LRRFIP1: variants seen among roughly 807,000 people sequenced by gnomAD.
The protein encoded by LRRFIP1 is leucine-rich repeat flightless-interacting protein 1.
Under a neutral mutation model 104.4 loss-of-function variants are expected in LRRFIP1, and 62 were observed. The ratio of observed to expected loss-of-function variants is 0.59; its 90% CI spans 0.48 to 0.73. The LOEUF is 0.73. Among genes scored for constraint, LRRFIP1 ranks in the 30% least tolerant of loss-of-function variants. The pLI is 0.00. For missense variants in LRRFIP1, 796 were observed against 824.5 expected, an observed-to-expected ratio of 0.97 and a Z score of 0.42; for synonymous variants, 300 against 299.0, an observed-to-expected ratio of 1.00 and a Z score of -0.03.
intron 13 of LRRFIP1, among the ~76,000 whole-genome samples, chr2:237,750,307 T>C (rs1339010136): frequency 7.1e-6 from 1 of 141,434 alleles, no homozygotes; most frequent in Non-Finnish European, 1.5e-5. Flanking sequence ...TTTTCCTTTT[T>C]CTTTTCTTTT....
chr2:237,686,863 T>C (rs55746924), intron 1 of LRRFIP1, among the ~76,000 whole-genome samples: 6 of 152,366 alleles, frequency 3.9e-5, no homozygotes, highest in Non-Finnish European at 7.3e-5. Context: ...CTGGATCCCC[T>C]GCTTGATGCT....
At chr2:237,630,671 A>G (rs771463632) in intron 1 of LRRFIP1, among the ~76,000 whole-genome samples, 3 of 152,220 alleles carry the variant, frequency 2.0e-5, no homozygotes, top group Non-Finnish European at 2.9e-5. Context: ...CCCTGACTGG[A>G]CTGACATTGA....
chr2:237,674,387 A>G (rs555607327), intron 1 of LRRFIP1, among the ~76,000 whole-genome samples: 1 of 152,314 alleles, frequency 6.6e-6, no homozygotes, highest in East Asian at 1.9e-4. Context: ...AAATAGGCAA[A>G]ATGTGATACA....
At chr2:237,757,361 C>T in intron 16 of LRRFIP1, 95 bp from the exon 17 acceptor site, 2 of 744,784 alleles carry the variant, frequency 2.7e-6, no homozygotes, top group Non-Finnish European at 4.6e-6. Flanking sequence ...TGCTTGCGGC[C>T]TCACTCACTG....
chr2:237,679,899 C>T (rs187499258), intron 1 of LRRFIP1, among the ~76,000 whole-genome samples: 7 of 152,308 alleles, frequency 4.6e-5, no homozygotes, highest in African/African-American at 1.7e-4. Flanking sequence ...TGAGCCACCG[C>T]GCCCAGCCTG....
intron 1 of LRRFIP1, among the ~76,000 whole-genome samples, chr2:237,681,161 C>T (rs1575425894): frequency 6.6e-6 from 1 of 152,204 alleles, no homozygotes; most frequent in African/African-American, 2.4e-5. Flanking sequence ...TGTTCAAATA[C>T]TTTCAGTGGG....
Position 237,636,570 on chromosome 2 carries a change from A to C in LRRFIP1, c.96+8830A>C, listed in dbSNP as rs182847373. On this transcript the variant is annotated intron_variant, in intron 1 of 23. Transcript: ENST00000308482. ...TTCACTTAATTTGGGGGTTTTCCTG[A>C]AAATTTTTTTGTTCCCTGCATCCTG... Among the ~76,000 whole-genome samples, 21 of 152,186 alleles carry C rather than the reference A, an allele frequency of 1.4e-4. 1 individual carries two copies. In the East Asian group the frequency reaches 3.9e-3, roughly 28 times the overall value.
At chr2:237,733,019 T>C (rs536711074) in intron 8 of LRRFIP1, among the ~76,000 whole-genome samples, 43 of 152,334 alleles carry the variant, frequency 2.8e-4, no homozygotes, top group Admixed American at 2.7e-3. Context: ...GAGGTTGAAC[T>C]GTCCCTCTCC....
chr2:237,765,477 A>T lies in LRRFIP1; in HGVS notation c.1460-4466A>T, dbSNP rs1450216830. The T allele has an allele frequency of 5.2e-6, 5 of 961,732 alleles. No homozygotes were observed. The African/African-American group carries it at 8.8e-5, about 17-fold the overall frequency. The allele number at this position is 961,732 out of a possible 1,614,324, so 59.6% of individuals were successfully genotyped here. A position where few individuals can be genotyped will look rare whatever the true frequency, so the allele number is the denominator to read the frequency against. ...AAAAAAAAAGTTTTTGAACCTTAAA[A>T]TACTTTGTTTGAATTTCTAATCATC... On this transcript the variant is annotated intron_variant, in intron 19 of 23. Transcript: ENST00000308482.
chr2:237,641,530 G>C (rs1210890700), intron 1 of LRRFIP1, among the ~76,000 whole-genome samples: 2 of 149,506 alleles, frequency 1.3e-5, no homozygotes, highest in African/African-American at 2.5e-5. Context: ...GTTCCTTTTG[G>C]TTTAAGACTT....
chr2:237,733,448 G>A (rs551275125), intron 8 of LRRFIP1, among the ~76,000 whole-genome samples: 64 of 152,288 alleles, frequency 4.2e-4, no homozygotes, highest in African/African-American at 1.5e-3. Flanking sequence ...TGCTGTTGTT[G>A]TGTTGACCTT....
chr2:237,765,926 C>G, intron 19 of LRRFIP1: 1 of 984,646 alleles, frequency 1.0e-6, no homozygotes, highest in Non-Finnish European at 1.2e-6. Flanking sequence ...GCCTGTGGTT[C>G]CACTCTTTGG....
chr2:237,762,875 G>T (rs761822675), intron 19 of LRRFIP1: 2 of 1,614,044 alleles, frequency 1.2e-6, no homozygotes, highest in African/African-American at 1.3e-5. Context: ...CACAGTACAG[G>T]TTGAGTCAAA....
At position 237,753,406 on chromosome 2, in the gene LRRFIP1, C is replaced by A. The variant is rs1450952300; in HGVS notation, c.965C>A (p.Thr322Asn). 9 of 1,605,718 alleles carry A rather than the reference C, an allele frequency of 5.6e-6. No individual in the cohort carries two copies. In the Admixed American group the frequency reaches 1.4e-4, roughly 25 times the overall value. ...ACAAACTTCATGTACCAGGTTGATA[C>A]CCTAAAAGATATGTTGCTGGAGCTT... ...EKTNFMYQVD[T>N]LKDMLLELEE... is the part of the protein sequence containing the mutation. The change falls in exon 15 of 24, where the codon ACC (threonine) becomes AAC (asparagine). Residue 322 changes from threonine to asparagine, a missense_variant. By Grantham distance (65) the Thr-to-Asn change is moderately conservative. Transcript: ENST00000308482.
intron 7 of LRRFIP1, among the ~76,000 whole-genome samples, chr2:237,725,851 G>T (rs1377809024): frequency 6.6e-6 from 1 of 152,242 alleles, no homozygotes; most frequent in Non-Finnish European, 1.5e-5. Flanking sequence ...ACAGTGCAAA[G>T]GACAGGGTTC....
At chr2:237,629,857 C>A (rs72990195) in intron 1 of LRRFIP1, among the ~76,000 whole-genome samples, 34,744 of 152,050 alleles carry the variant, frequency 0.23, 4,485 homozygotes, top group East Asian at 0.43. Flanking sequence ...TCCCTCCCAC[C>A]GAGGGAGATG....
intron 15 of LRRFIP1, among the ~76,000 whole-genome samples, chr2:237,755,495 T>TG (rs775041681): frequency 8.5e-5 from 13 of 152,274 alleles, no homozygotes; most frequent in Middle Eastern, 3.4e-3. Context: ...CCAGGCTCCC[T>TG]GGGGGGGCCC....
chr2:237,715,984 T>G (rs961369111), intron 3 of LRRFIP1, among the ~76,000 whole-genome samples: 3 of 152,198 alleles, frequency 2.0e-5, no homozygotes, highest in African/African-American at 7.2e-5. Context: ...TCAGAACTGG[T>G]CCTTTGTCAT....
chr2:237,681,630 G>A (rs1396261903), intron 1 of LRRFIP1, among the ~76,000 whole-genome samples: 15 of 147,944 alleles, frequency 1.0e-4, no homozygotes, highest in Non-Finnish European at 1.5e-5. Flanking sequence ...GCCTCCCAAA[G>A]TACTGGGATT....
Sources: allele counts gnomAD v4.1 joint callset (sites outside exome capture counted in the v4.1 genomes callset), GRCh38; gene constraint gnomAD v4.1.1; transcripts MANE v1.5; gene names NCBI Gene and HGNC (gene_info 2026-07-23, HGNC 2026-07-21).